The following TMEM132C variants were observed in gnomAD, a reference collection of about 807,000 sequenced individuals.
TMEM132C encodes transmembrane protein 132C.
TMEM132C carries 29 observed loss-of-function variants against 61.4 expected under a neutral mutation model. That is an observed-to-expected ratio of 0.47 (90% CI 0.35 to 0.64). The LOEUF is 0.64. TMEM132C is among the 30% of genes least tolerant of loss of function. TMEM132C has a pLI of 0.00. For synonymous variants in TMEM132C, 656 were observed against 633.1 expected, an observed-to-expected ratio of 1.04 and a Z score of -0.54; for missense variants, 1,408 against 1,476.9, an observed-to-expected ratio of 0.95 and a Z score of 0.76.
rs564348502 is a variant in TMEM132C, at chr12:128,488,827, G to A, written c.975-55130G>A. On this transcript the variant is annotated intron_variant, in intron 2 of 8. Coordinates refer to ENST00000435159, the MANE Select transcript of TMEM132C (RefSeq NM_001136103.3). ...AAAGGGCTCTTAATAATTACTTACC[G>A]AATGAAAACAAGTTGAATGTTTTCA... Among the ~76,000 whole-genome samples the A allele has an allele frequency of 7.9e-5, 12 of 151,950 alleles. No homozygotes were observed. In the South Asian group the frequency reaches 1.0e-3, roughly 13 times the overall value.
intron 3 of TMEM132C, among the ~76,000 whole-genome samples, chr12:128,584,242 G>C (rs1171286161): frequency 6.6e-6 from 1 of 152,200 alleles, no homozygotes; most frequent in Non-Finnish European, 1.5e-5. Context: ...ACAGGAAATA[G>C]TTCCTTGGAA....
At chr12:128,433,422 C>T (rs866460989) in intron 2 of TMEM132C, among the ~76,000 whole-genome samples, 4 of 152,286 alleles carry the variant, frequency 2.6e-5, no homozygotes, top group African/African-American at 9.6e-5. Context: ...CTCTGAACTG[C>T]TTCTGGCTTG....
intron 1 of TMEM132C, among the ~76,000 whole-genome samples, chr12:128,398,878 G>T (rs947716857): frequency 6.6e-6 from 1 of 152,088 alleles, no homozygotes; most frequent in Non-Finnish European, 1.5e-5. Context: ...TCCACTTAAC[G>T]GATATTTTTC....
intron 1 of TMEM132C, among the ~76,000 whole-genome samples, chr12:128,291,810 C>T (rs1350608247): frequency 2.0e-5 from 3 of 152,210 alleles, no homozygotes; most frequent in Admixed American, 1.3e-4. Flanking sequence ...GAGGCAGTGG[C>T]AGAAGACAGG....
At chr12:128,340,483 T>C (rs2135953284) in intron 1 of TMEM132C, among the ~76,000 whole-genome samples, 1 of 152,206 alleles carries the variant, frequency 6.6e-6, no homozygotes, top group African/African-American at 2.4e-5. Flanking sequence ...AATAGACTAG[T>C]AGGGAAAAAA....
Position 128,544,073 on chromosome 12 carries a change from G to C in TMEM132C, c.1091G>C (p.Cys364Ser). Residue 364 changes from cysteine (C) to serine (S), a missense_variant, in exon 3 of 9, where the codon TGC becomes TCC. By Grantham distance (112) the Cys-to-Ser change is moderately radical. Transcript: ENST00000435159. Reference protein sequence around the residue: ...GGKHVTATVACQRLGPSPRNR... With the variant: ...GGKHVTATVASQRLGPSPRNR... ...AAGCACGTGACGGCCACCGTGGCCT[G>C]CCAGCGCCTGGGGCCCAGCCCACGC... 1 of 1,543,428 alleles carries C rather than the reference G, an allele frequency of 6.5e-7. No individual in the cohort carries two copies. Among genetic ancestry groups the C allele is most frequent in the Non-Finnish European group, 8.7e-7 (1 of 1,143,174 alleles).
intron 4 of TMEM132C, among the ~76,000 whole-genome samples, chr12:128,653,912 C>T (rs932584320): frequency 7.2e-5 from 11 of 152,288 alleles, no homozygotes; most frequent in East Asian, 3.9e-4. Flanking sequence ...GCCAGAAGGG[C>T]GGGAATCCAA....
intron 4 of TMEM132C, among the ~76,000 whole-genome samples, chr12:128,634,753 T>C (rs1008023963): frequency 6.6e-6 from 1 of 152,192 alleles, no homozygotes; most frequent in Middle Eastern, 3.2e-3. Context: ...GGGTGTTCAT[T>C]CCTTCATTAG....
chr12:128,476,417 C>T (rs768432681), intron 2 of TMEM132C, among the ~76,000 whole-genome samples: 2 of 152,062 alleles, frequency 1.3e-5, no homozygotes, highest in Middle Eastern at 3.2e-3. Flanking sequence ...TTAATGACTC[C>T]GGGAGGTTGT....
chr12:128,525,632 G>A (rs951138758), intron 2 of TMEM132C, among the ~76,000 whole-genome samples: 1 of 152,154 alleles, frequency 6.6e-6, no homozygotes, highest in Non-Finnish European at 1.5e-5. Context: ...TGCAATGCAA[G>A]AATTAAGAGT....
In TMEM132C at chr12:128,544,066, G is replaced by A. The variant is rs769088890; in HGVS notation, c.1084G>A (p.Val362Met). ...GSGGKHVTAT[V>M]ACQRLGPSPR... ...CGGCGGAAAGCACGTGACGGCCACC[G>A]TGGCCTGCCAGCGCCTGGGGCCCAG... The change falls in exon 3 of 9, where the codon GTG (valine) becomes ATG (methionine). Residue 362 changes from valine (V) to methionine (M), a missense_variant. Val to Met is a conservative substitution (Grantham distance 21). Coordinates refer to ENST00000435159, the MANE Select transcript of TMEM132C (RefSeq NM_001136103.3). The A allele has an allele frequency of 9.3e-5, 144 of 1,544,146 alleles. No individual in the cohort carries two copies. The highest frequency in any genetic ancestry group is 1.7e-4 in the Middle Eastern group (1 of 5,886).
At chr12:128,539,704 A>G (rs573541097) in intron 2 of TMEM132C, among the ~76,000 whole-genome samples, 4 of 152,160 alleles carry the variant, frequency 2.6e-5, no homozygotes, top group Non-Finnish European at 4.4e-5. Flanking sequence ...TCCCCTTTCA[A>G]TATTCAAGAC....
intron 1 of TMEM132C, among the ~76,000 whole-genome samples, chr12:128,402,315 G>C (rs1410826595): frequency 6.8e-6 from 1 of 147,206 alleles, no homozygotes; most frequent in Admixed American, 7.1e-5. Flanking sequence ...AGTCATGTGG[G>C]TTTGTTTTAT....
chr12:128,345,356 G>T (rs1000947877), intron 1 of TMEM132C, among the ~76,000 whole-genome samples: 1 of 152,138 alleles, frequency 6.6e-6, no homozygotes, highest in Non-Finnish European at 1.5e-5. Flanking sequence ...GAATAGTGCT[G>T]CAGTGAACGT....
chr12:128,544,299 C>T (rs1873873076), intron 3 of TMEM132C, among the ~76,000 whole-genome samples, 196 bp downstream of exon 3: 1 of 152,250 alleles, frequency 6.6e-6, no homozygotes, highest in African/African-American at 2.4e-5. Flanking sequence ...GGGGCGCTCG[C>T]TCTGCAGCGC....
At chr12:128,538,842 T>C (rs1264835265) in intron 2 of TMEM132C, among the ~76,000 whole-genome samples, 1 of 152,218 alleles carries the variant, frequency 6.6e-6, no homozygotes, top group East Asian at 1.9e-4. Context: ...ATAATAATCA[T>C]ATTTTGTCTA....
chr12:128,293,105 C>A (rs1871300075), intron 1 of TMEM132C, among the ~76,000 whole-genome samples: 2 of 152,062 alleles, frequency 1.3e-5, no homozygotes, highest in African/African-American at 4.8e-5. Context: ...CAAATCTGAA[C>A]CTGTAGTGTC....
intron 2 of TMEM132C, among the ~76,000 whole-genome samples, chr12:128,540,811 G>C (rs1389139419): frequency 2.6e-5 from 4 of 152,090 alleles, no homozygotes; most frequent in South Asian, 2.1e-4. Flanking sequence ...CTCTAGTTCA[G>C]TTCCCACCAT....
At chr12:128,413,690 A>G (rs1868649079) in intron 1 of TMEM132C, among the ~76,000 whole-genome samples, 1 of 146,986 alleles carries the variant, frequency 6.8e-6, no homozygotes, top group Non-Finnish European at 1.5e-5. Flanking sequence ...TCCTTTACTC[A>G]CTTCTCTCTC....
Sources: gnomAD v4.1 joint callset for allele counts (sites outside exome capture counted in the v4.1 genomes callset) on GRCh38, gnomAD v4.1.1 for gene constraint, MANE v1.5 for transcripts, NCBI Gene and HGNC (gene_info 2026-07-23, HGNC 2026-07-21) for gene names.